IL17REL: variants seen among roughly 807,000 people sequenced by gnomAD.
IL17REL encodes the protein interleukin-17 receptor E-like protein.
In IL17REL, 36 loss-of-function variants were observed where a neutral mutation model predicts 49.0. The observed-to-expected ratio is 0.73, with a 90% CI of 0.56 to 0.97. IL17REL has a LOEUF of 0.97. Ranked by LOEUF, IL17REL falls within the 50% of genes least tolerant of loss-of-function variation. The pLI is 0.00. For missense variants in IL17REL, 470 were observed against 453.9 expected (o/e 1.04, Z -0.32); for synonymous variants, 206 against 192.4 (o/e 1.07, Z -0.58).
At chr22:49,997,483 G>T in intron 10 of IL17REL, 1 of 1,504,778 alleles carries the variant, frequency 6.6e-7, no homozygotes, top group Non-Finnish European at 9.1e-7. Flanking sequence ...CATTTTCCAG[G>T]CTGTGGGGAG....
At chr22:49,997,770 G>T (rs2061045975) in intron 9 of IL17REL, 28 bp from the exon 12 acceptor site, 1 of 1,611,418 alleles carries the variant, frequency 6.2e-7, no homozygotes, top group South Asian at 1.1e-5. Flanking sequence ...GGGTGCAGGA[G>T]GGTGGAGTGT....
upstream of IL17REL, among the ~76,000 whole-genome samples, chr22:50,010,090 A>G (rs36007448): frequency 0.16 from 24,532 of 150,098 alleles, 2,238 homozygotes; most frequent in Middle Eastern, 0.34. Flanking sequence ...TTCTCACCCC[A>G]CCGTCTCTAC....
chr22:50,001,438 C>A (rs1417953620), intron 1 of IL17REL, among the ~76,000 whole-genome samples: 1 of 152,180 alleles, frequency 6.6e-6, no homozygotes, highest in Non-Finnish European at 1.5e-5. Context: ...TCTGTGGGAC[C>A]CCAGGAGTGG....
rs767906868 is a variant in IL17REL at position 49,998,062 on chromosome 22, T to C, written c.782A>G (p.Tyr261Cys). ...CTGGGGCTGGGTGTCCACCAGCGGGTACTGCACCTGAGGAGGGCTGGGGTC... is the reference window on the plus strand; with the variant it reads ...CTGGGGCTGGGTGTCCACCAGCGGGCACTGCACCTGAGGAGGGCTGGGGTC... Residue 261 changes from tyrosine to cysteine, a missense_variant, in exon 9 of 13, where the codon TAC (tyrosine) becomes TGC (cysteine). Tyr to Cys is a radical substitution (Grantham distance 194). Transcript: ENST00000341280. The C allele has an allele frequency of 3.8e-6, 6 of 1,594,816 alleles. No homozygotes were observed. The South Asian group carries it at 6.7e-5, about 18-fold the overall frequency.
intron 9 of IL17REL, 135 bp from the exon 12 acceptor site, chr22:49,997,877 C>T (rs1160535471): frequency 1.5e-6 from 2 of 1,368,884 alleles, no homozygotes; most frequent in South Asian, 1.2e-5. Flanking sequence ...GCCCTTAGCT[C>T]ACCCACTGTC....
chr22:49,995,392 A>C (rs1173458316), exon 13 of IL17REL: 1 of 152,244 alleles, frequency 6.6e-6, no homozygotes, highest in Non-Finnish European at 1.5e-5. Flanking sequence ...TGTGACCCAG[A>C]GCCCCTGAGG....
intron 9 of IL17REL, 44 bp from the exon 12 acceptor site, chr22:49,997,786 AGGCAGGGGCAGGGACAGG>A: frequency 6.3e-7 from 1 of 1,587,564 alleles, no homozygotes; most frequent in South Asian, 1.1e-5. Flanking sequence ...AGTGTGTGTG[AGGCAGGGGCAGGGACAGG>A]GGCAGGGACA....
chr22:50,002,003 G>T (rs139521624), intron 1 of IL17REL, among the ~76,000 whole-genome samples: 2 of 152,392 alleles, frequency 1.3e-5, no homozygotes, highest in Non-Finnish European at 2.9e-5. Flanking sequence ...TGAGGCAGGA[G>T]AGTAAGGAAT....
intron 1 of IL17REL, among the ~76,000 whole-genome samples, 198 bp from the exon 3 acceptor site, chr22:50,001,429 C>A (rs2061079677): frequency 6.6e-6 from 1 of 152,182 alleles, no homozygotes; most frequent in African/African-American, 2.4e-5. Context: ...TCCAAAATGT[C>A]TGTGGGACCC....
chr22:50,010,781 AC>A (rs1474096363), upstream of IL17REL, among the ~76,000 whole-genome samples: 12 of 131,716 alleles, frequency 9.1e-5, no homozygotes, highest in African/African-American at 2.0e-4. Flanking sequence ...GGGGAGCGGG[AC>A]CCGGGCGCGC....
downstream of IL17REL, among the ~76,000 whole-genome samples, chr22:49,994,071 T>G (rs1019865492): frequency 6.7e-6 from 1 of 148,252 alleles, no homozygotes; most frequent in African/African-American, 2.5e-5. Flanking sequence ...ATCCCCCCAT[T>G]CCCCTGATCT....
chr22:49,992,091 G>T (rs887611208), downstream of IL17REL, among the ~76,000 whole-genome samples: 1 of 152,230 alleles, frequency 6.6e-6, no homozygotes, highest in African/African-American at 2.4e-5. Flanking sequence ...GAAGAAATCA[G>T]ATATGCATTT....
chr22:50,005,601 A>T (rs1173293247), intron 1 of IL17REL, among the ~76,000 whole-genome samples: 1 of 152,082 alleles, frequency 6.6e-6, no homozygotes, highest in Non-Finnish European at 1.5e-5. Context: ...CAGGAGTTCG[A>T]GACCAGCCTG....
upstream of IL17REL, among the ~76,000 whole-genome samples, chr22:50,009,223 G>C (rs913722805): frequency 6.7e-6 from 1 of 150,224 alleles, no homozygotes; most frequent in African/African-American, 2.4e-5. Flanking sequence ...TTGGTGGTGC[G>C]GGGCGGGGGC....
chr22:50,005,253 ACAATT>A (rs1033402614), intron 1 of IL17REL, among the ~76,000 whole-genome samples: 1 of 152,202 alleles, frequency 6.6e-6, no homozygotes, highest in Non-Finnish European at 1.5e-5. Context: ...CTGTGAAACT[ACAATT>A]CATCATAAAC....
At chr22:50,008,269 G>A (rs1020586306) in intron 1 of IL17REL, among the ~76,000 whole-genome samples, 5 of 152,204 alleles carry the variant, frequency 3.3e-5, no homozygotes, top group Non-Finnish European at 5.9e-5. Flanking sequence ...CAAAGACAAG[G>A]TAGTTGTTAA....
At chr22:50,009,683 A>C (rs1205190033), upstream of IL17REL, among the ~76,000 whole-genome samples, 1 of 152,134 alleles carries the variant, frequency 6.6e-6, no homozygotes, top group African/African-American at 2.4e-5. Context: ...GGAGACCTGG[A>C]CTTCTGCTCC....
chr22:50,010,224 GAA>G (rs2061131823), upstream of IL17REL, among the ~76,000 whole-genome samples: 1 of 152,246 alleles, frequency 6.6e-6, no homozygotes, highest in Non-Finnish European at 1.5e-5. Context: ...CGTCCTGATG[GAA>G]GCCCCGGCCT....
chr22:50,000,907 G>A (rs1395143522), intron 2 of IL17REL, 44 bp from the exon 4 acceptor site: 6 of 1,435,084 alleles, frequency 4.2e-6, no homozygotes, highest in South Asian at 1.4e-5. Flanking sequence ...GAGCAGGGCC[G>A]CCCCTGGCTC....
Sources: allele counts gnomAD v4.1 joint callset (sites outside exome capture counted in the v4.1 genomes callset), GRCh38; gene constraint gnomAD v4.1.1; transcripts MANE v1.5; gene names NCBI Gene and HGNC (gene_info 2026-07-23, HGNC 2026-07-21).